DCTN4: variants seen among roughly 807,000 people sequenced by gnomAD.
DCTN4 encodes the protein dynactin subunit 4, also known as dynactin 4 (p62).
Under a neutral mutation model 62.7 loss-of-function variants are expected in DCTN4, and 23 were observed. The ratio of observed to expected loss-of-function variants is 0.37; its 90% confidence interval spans 0.26 to 0.52. DCTN4 has a LOEUF of 0.52. DCTN4 is among the 20% of genes least tolerant of loss of function. The probability of loss-of-function intolerance (pLI) is 0.92; values close to 1 mark genes in which losing one functional copy is unlikely to be tolerated. For missense variants in DCTN4, 514 were observed against 580.4 expected (o/e 0.89, Z 1.18); for synonymous variants, 199 against 202.1 (o/e 0.98, Z 0.13).
chr5:150,721,976 C>T (rs1395308558), intron 9 of DCTN4, among the ~76,000 whole-genome samples: 1 of 151,978 alleles, frequency 6.6e-6, no homozygotes, highest in African/African-American at 2.4e-5. Context: ...AGGTGCATGC[C>T]ACTACACCTG....
Position 150,753,679 on chromosome 5 carries a change from C to G in DCTN4, c.207-22G>C, listed in dbSNP as rs775173034. 8.8e-6 allele frequency: 14 copies of G among 1,596,822 alleles called. No individual in the cohort carries two copies. In the South Asian group the frequency reaches 1.6e-4, roughly 18 times the overall value. The stretch of plus-strand genomic sequence containing the variant: ...ACATCTGTGACATGACAAACACAAC[C>G]ATTCATTCAACAAATATTTATCAAG... On this transcript the variant is annotated intron_variant, in intron 2 of 12. Coordinates refer to ENST00000447998, the MANE Select transcript of DCTN4 (RefSeq NM_016221.4).
intron 4 of DCTN4, 45 bp downstream of exon 4, chr5:150,742,069 A>T (rs1561704100): frequency 2.5e-6 from 4 of 1,574,844 alleles, no homozygotes; most frequent in South Asian, 2.2e-5. Context: ...CTTTTACTCA[A>T]TTTTTTCCGA....
chr5:150,713,449 T>C (rs548854655), intron 12 of DCTN4, among the ~76,000 whole-genome samples: 15 of 149,292 alleles, frequency 1.0e-4, no homozygotes, highest in African/African-American at 3.5e-4. Flanking sequence ...TCTTTTCTTT[T>C]TTTTTTTTTT....
rs1335030061 is a variant in DCTN4, at chr5:150,716,761, T to C, written c.1072-1099A>G. On this transcript the variant is annotated intron_variant, in intron 11 of 12. Transcript: ENST00000447998. ...GGTGAAACCCCGTCTCTACTAAAAC[T>C]GCAAAAAATTAGCCGGGCGTGGTGG... Among the ~76,000 whole-genome samples, 3 of 151,934 alleles carry C rather than the reference T, an allele frequency of 2.0e-5. No individual in the cohort carries two copies. The East Asian group carries it at 5.8e-4, about 29-fold the overall frequency.
At chr5:150,756,671 A>G (rs1752877657) in intron 1 of DCTN4, among the ~76,000 whole-genome samples, 184 bp from the exon 2 acceptor site, 1 of 151,656 alleles carries the variant, frequency 6.6e-6, no homozygotes, top group South Asian at 2.1e-4. Context: ...CCGGATTTAA[A>G]AAATCCTTCT....
chr5:150,758,813 C>G (rs747786295), intron 1 of DCTN4, 46 bp downstream of exon 1: 1 of 1,600,884 alleles, frequency 6.2e-7, no homozygotes, highest in Non-Finnish European at 8.5e-7. Context: ...GCATGAACGC[C>G]GCGCCCCCCC....
At position 150,728,491 on chromosome 5, in the gene DCTN4, G is replaced by C. The variant is rs61673380; in HGVS notation, c.834+2140C>G. ...ATCTATTTGTTCTCTCGGTTACTGA[G>C]AGAAGTATGTCAAAATTTCCCAAAA... On this transcript the variant is annotated intron_variant, in intron 8 of 12. Coordinates refer to ENST00000447998, the MANE Select transcript of DCTN4 (RefSeq NM_016221.4). Among the ~76,000 whole-genome samples the C allele has an allele frequency of 8.0e-3, 1,218 of 152,244 alleles. 15 individuals are homozygous for C. The highest frequency in any genetic ancestry group is 0.028 in the African/African-American group (1,165 of 41,540).
intron 4 of DCTN4, among the ~76,000 whole-genome samples, chr5:150,738,924 T>C (rs941104320): frequency 3.9e-5 from 6 of 152,294 alleles, no homozygotes; most frequent in East Asian, 1.9e-4. Context: ...TTGGGCACAG[T>C]GGCTCATGCC....
intron 12 of DCTN4, among the ~76,000 whole-genome samples, chr5:150,711,673 C>T (rs556854189): frequency 4.7e-4 from 72 of 152,054 alleles, no homozygotes; most frequent in Non-Finnish European, 9.6e-4. Flanking sequence ...ACCTGGCTAG[C>T]TTTATATATT....
At chr5:150,737,158 A>ATT (rs1760611620) in intron 4 of DCTN4, among the ~76,000 whole-genome samples, 2 of 152,206 alleles carry the variant, frequency 1.3e-5, no homozygotes, top group African/African-American at 4.8e-5. Flanking sequence ...AAAGCAACAC[A>ATT]AAAATAGTGG....
chr5:150,713,444 T>TC (rs1041733738), intron 12 of DCTN4, among the ~76,000 whole-genome samples: 11 of 148,728 alleles, frequency 7.4e-5, no homozygotes, highest in African/African-American at 2.8e-4. Flanking sequence ...TCTTTTCTTT[T>TC]CTTTTTTTTT....
chr5:150,745,179 CA>C (rs752761238), intron 3 of DCTN4, among the ~76,000 whole-genome samples: 1 of 150,396 alleles, frequency 6.6e-6, no homozygotes, highest in African/African-American at 2.5e-5. Flanking sequence ...CAACAAGGAT[CA>C]AAAGAGACAA....
In DCTN4 at chr5:150,758,030, C is replaced by A. The variant is rs567243436; in HGVS notation, c.135+829G>T. The A allele has an allele frequency of 2.2e-4, 203 of 937,866 alleles. 1 individual carries two copies. In the South Asian group the frequency reaches 5.3e-3, roughly 24 times the overall value. 58.1% of individuals were successfully genotyped at this position (937,866 alleles called of 1,614,324 possible). On this transcript the variant is annotated intron_variant, in intron 1 of 12. Transcript: ENST00000447998. ...AAAGCACATGACATATAGCAAGTAT[C>A]GAATAAGCAGCAACTATTACTACTA...
chr5:150,736,479 T>C (rs1369850098), intron 4 of DCTN4, among the ~76,000 whole-genome samples: 1 of 152,182 alleles, frequency 6.6e-6, no homozygotes, highest in Non-Finnish European at 1.5e-5. Context: ...AAAACAATTA[T>C]CAACCAAGAA....
Position 150,758,883 on chromosome 5 carries a change from C to T in DCTN4, c.111G>A (p.Arg37=). 3 of 1,614,086 alleles carry T rather than the reference C, an allele frequency of 1.9e-6. No homozygotes were observed. Among genetic ancestry groups the T allele is most frequent in the Non-Finnish European group, 2.5e-6 (3 of 1,180,012 alleles). ...LYFCRYCSEL[R]SLECVSHEVD... is the part of the protein sequence containing the mutation. ...CCTCGTGAGACACACATTCCAGCGACCGCAGTTCGCTACAATAGCGGCAGA... is the reference window on the plus strand; with the variant it reads ...CCTCGTGAGACACACATTCCAGCGATCGCAGTTCGCTACAATAGCGGCAGA... The change falls in exon 1 of 13, where the codon CGG becomes CGA. Residue 37 remains arginine, a synonymous_variant. Coordinates refer to ENST00000447998, the MANE Select transcript of DCTN4 (RefSeq NM_016221.4).
chr5:150,754,383 G>A (rs1752782455), intron 2 of DCTN4, among the ~76,000 whole-genome samples: 1 of 152,166 alleles, frequency 6.6e-6, no homozygotes, highest in Admixed American at 6.5e-5. Flanking sequence ...CACCTTACAA[G>A]GAAGCTTTGA....
chr5:150,746,252 A>C (rs1760957699), intron 3 of DCTN4, among the ~76,000 whole-genome samples: 1 of 151,914 alleles, frequency 6.6e-6, no homozygotes, highest in Admixed American at 6.5e-5. Flanking sequence ...CAAGAAGTTG[A>C]ATCTCTGAAT....
chr5:150,736,741 T>G (rs966082996), intron 4 of DCTN4, among the ~76,000 whole-genome samples: 2 of 151,526 alleles, frequency 1.3e-5, no homozygotes, highest in Admixed American at 6.6e-5. Context: ...ACTAGCACAA[T>G]GAATAGAATA....
At chr5:150,733,522 C>T in intron 4 of DCTN4, 47 bp from the exon 5 acceptor site, 1 of 1,394,232 alleles carries the variant, frequency 7.2e-7, no homozygotes, top group Non-Finnish European at 1.0e-6. Context: ...TAACAGAAAA[C>T]ATATCAAATT....
Sources: gnomAD v4.1 joint callset for allele counts (sites outside exome capture counted in the v4.1 genomes callset) on GRCh38, gnomAD v4.1.1 for gene constraint, MANE v1.5 for transcripts, NCBI Gene and HGNC (gene_info 2026-07-23, HGNC 2026-07-21) for gene names.